The following POLR3F variants were observed in gnomAD, a reference collection of about 807,000 sequenced individuals.
POLR3F encodes DNA-directed RNA polymerase III subunit RPC6.
In POLR3F, 31 loss-of-function variants were observed where a neutral mutation model predicts 43.6. The observed-to-expected ratio is 0.71, with a 90% CI of 0.53 to 0.96. The LOEUF is 0.96. Ranked by LOEUF, POLR3F falls within the 40% of genes least tolerant of loss-of-function variation. The pLI is 0.00. For missense variants in POLR3F, 316 were observed against 391.7 expected, an observed-to-expected ratio of 0.81 and a Z score of 1.63; for synonymous variants, 114 against 132.5, an observed-to-expected ratio of 0.86 and a Z score of 0.96.
Position 18,483,499 on chromosome 20 carries a change from G to T in POLR3F, c.892G>T (p.Glu298Ter). 6.5e-7 allele frequency: 1 copy of T among 1,526,764 alleles called. No individual in the cohort carries two copies. The highest frequency in any genetic ancestry group is 8.9e-7 in the Non-Finnish European group (1 of 1,119,250). 94.6% of individuals were successfully genotyped at this position (1,526,764 alleles called of 1,614,324 possible). A position where few individuals can be genotyped will look rare whatever the true frequency, so the allele number is the denominator to read the frequency against. The part of the protein sequence containing the change: ...GLCPVFDDCH[E>*]GGEISPSNCI... ...TTTAAAGGTTTTTGATGACTGCCAC[G>T]AAGGTGGTGAGATTTCACCATCTAA... Residue 298 changes from glutamate to a stop codon, truncating the protein, a stop_gained, in exon 9 of 9, where the codon GAA becomes TAA. Coordinates refer to ENST00000377603, the MANE Select transcript of POLR3F (RefSeq NM_006466.4). LOFTEE classifies it high-confidence loss of function.
At chr20:18,479,500 GA>G (rs1010509703) in intron 5 of POLR3F, among the ~76,000 whole-genome samples, 20 of 145,550 alleles carry the variant, frequency 1.4e-4, no homozygotes, top group South Asian at 6.5e-4. Context: ...GTCTCCAAAA[GA>G]AAAAAAAAAG....
chr20:18,470,956 G>T (rs1381464684), intron 2 of POLR3F, among the ~76,000 whole-genome samples: 1 of 152,142 alleles, frequency 6.6e-6, no homozygotes, highest in Non-Finnish European at 1.5e-5. Flanking sequence ...GACAGCTGCA[G>T]TAGCATCTTA....
In POLR3F at chr20:18,483,597, G is replaced by A. The variant is rs377200298; in HGVS notation, c.*39G>A. On this transcript the variant is annotated 3_prime_UTR_variant, in exon 9 of 9. Coordinates refer to ENST00000377603, the MANE Select transcript of POLR3F (RefSeq NM_006466.4). Reference sequence around the variant, plus strand: ...ACTTTATTGACATTTTGCAAATGAAGTTACTTAGGGAGCAGATAATTTAAT... The same window carrying A: ...ACTTTATTGACATTTTGCAAATGAAATTACTTAGGGAGCAGATAATTTAAT... 2.8e-5 allele frequency: 24 copies of A among 852,520 alleles called. No individual in the cohort carries two copies. The highest frequency in any genetic ancestry group is 1.3e-4 in the Admixed American group (5 of 38,626). The allele number at this position is 852,520 out of a possible 1,614,324, so 52.8% of individuals were successfully genotyped here. A position where few individuals can be genotyped will look rare whatever the true frequency, so the allele number is the denominator to read the frequency against.
In POLR3F at chr20:18,484,345, ATGTT is replaced by A. The variant is rs2059826732; in HGVS notation, c.*791_*794del. The A allele has an allele frequency of 2.6e-5, 10 of 389,628 alleles. No homozygotes were observed. In the East Asian group the frequency reaches 3.6e-4, roughly 14 times the overall value. The allele number at this position is 389,628 out of a possible 1,614,324, so 24.1% of individuals were successfully genotyped here. ...TTATTTAATGTCTGCAGTAGACTGAATGTTTGTGTGCCCCCAGAATTCTAATGTT... is the reference window on the plus strand; with the variant it reads ...TTATTTAATGTCTGCAGTAGACTGAATGTGTGCCCCCAGAATTCTAATGTT... On this transcript the variant is annotated 3_prime_UTR_variant, in exon 9 of 9. Transcript: ENST00000377603.
At chr20:18,480,569 C>A in intron 7 of POLR3F, 60 bp downstream of exon 7, 1 of 954,808 alleles carries the variant, frequency 1.0e-6, no homozygotes, top group Non-Finnish European at 1.6e-6. Context: ...ACAATGTATT[C>A]CAAACATGTA....
intron 2 of POLR3F, among the ~76,000 whole-genome samples, chr20:18,471,431 T>C (rs757913939): frequency 6.6e-6 from 1 of 152,186 alleles, no homozygotes; most frequent in Non-Finnish European, 1.5e-5. Flanking sequence ...CTTACCTCTA[T>C]CTTAATGCCA....
At position 18,481,651 on chromosome 20, in the gene POLR3F, C is replaced by T; in HGVS notation, c.714C>T (p.Ile238=). ...TATCCATGGAAGACATTGAAACCAT[C>T]CTGAATACACTCATTTATGATGGAA... The part of the protein sequence containing the change: ...VELSMEDIET[I]LNTLIYDGKV... Residue 238 remains isoleucine (I), a synonymous_variant, in exon 8 of 9, where the codon ATC becomes ATT. Coordinates refer to ENST00000377603, the MANE Select transcript of POLR3F (RefSeq NM_006466.4). 2 of 1,612,524 alleles carry T rather than the reference C, an allele frequency of 1.2e-6. No homozygotes were observed. Among genetic ancestry groups the T allele is most frequent in the Non-Finnish European group, 1.7e-6 (2 of 1,178,538 alleles).
chr20:18,470,549 A>T (rs898657180), intron 2 of POLR3F: 2 of 154,864 alleles, frequency 1.3e-5, no homozygotes, highest in African/African-American at 4.8e-5. Context: ...GCCCAAGGAC[A>T]AAGGAATGTT....
At chr20:18,471,246 T>C (rs2059748513) in intron 2 of POLR3F, among the ~76,000 whole-genome samples, 1 of 152,224 alleles carries the variant, frequency 6.6e-6, no homozygotes, top group Admixed American at 6.5e-5. Context: ...TCATGCTGTT[T>C]CGTGCCACAG....
At position 18,478,311 on chromosome 20, in the gene POLR3F, G is replaced by T. The variant is rs539414589; in HGVS notation, c.430-1727G>T. Among the ~76,000 whole-genome samples, 7 of 152,056 alleles carry T rather than the reference G, an allele frequency of 4.6e-5. No individual in the cohort carries two copies. In the East Asian group the frequency reaches 7.7e-4, roughly 17 times the overall value. On this transcript the variant is annotated intron_variant, in intron 5 of 8. Coordinates refer to ENST00000377603, the MANE Select transcript of POLR3F (RefSeq NM_006466.4). Reference sequence around the variant, plus strand: ...GCTCACTGCAGCATCAACCTCCTGGGCTCAAGCCATCCTCCCACCACAGCC... The same window carrying T: ...GCTCACTGCAGCATCAACCTCCTGGTCTCAAGCCATCCTCCCACCACAGCC...
At position 18,468,932 on chromosome 20, in the gene POLR3F, C is replaced by T. The variant is rs112696932; in HGVS notation, c.63-12C>T. 4 of 1,228,546 alleles carry T rather than the reference C, an allele frequency of 3.3e-6. No individual in the cohort carries two copies. The highest frequency in any genetic ancestry group is 1.9e-4 in the Middle Eastern group (1 of 5,298). 76.1% of individuals were successfully genotyped at this position (1,228,546 alleles called of 1,614,324 possible). The stretch of plus-strand genomic sequence containing the variant: ...TAACCATGAAGGATAACATTAATAC[C>T]TTTGTTTCTAGGATTATAGAATTAT... On this transcript the variant is annotated splice_polypyrimidine_tract_variant and intron_variant, in intron 1 of 8. Transcript: ENST00000377603.
chr20:18,473,902 A>C (rs1001746817), intron 4 of POLR3F, among the ~76,000 whole-genome samples: 1 of 152,094 alleles, frequency 6.6e-6, no homozygotes, highest in Non-Finnish European at 1.5e-5. Flanking sequence ...GCAGTGTCTT[A>C]ACAGATGTCC....
intron 8 of POLR3F, 144 bp from the exon 9 acceptor site, chr20:18,483,337 C>T (rs2059820425): frequency 1.4e-5 from 6 of 442,434 alleles, no homozygotes; most frequent in Admixed American, 4.3e-5. Flanking sequence ...TGAGCCACTG[C>T]GTCCGGCTAT....
At chr20:18,472,207 CT>C (rs551269456) in intron 2 of POLR3F, among the ~76,000 whole-genome samples, 13 of 151,968 alleles carry the variant, frequency 8.6e-5, no homozygotes, top group Non-Finnish European at 1.6e-4. Context: ...TCACTGTTAA[CT>C]TTTTTTGTTT....
intron 1 of POLR3F, 116 bp downstream of exon 1, chr20:18,467,684 G>T: frequency 6.5e-7 from 1 of 1,547,270 alleles, no homozygotes; most frequent in Non-Finnish European, 8.7e-7. Flanking sequence ...GAGCACGCGG[G>T]AAAAACGATT....
chr20:18,483,083 C>A (rs2059818957), intron 8 of POLR3F, among the ~76,000 whole-genome samples: 1 of 152,082 alleles, frequency 6.6e-6, no homozygotes, highest in African/African-American at 2.4e-5. Flanking sequence ...CCCTCGCCCC[C>A]CGAGATGGAG....
chr20:18,478,597 A>C (rs1243133974), intron 5 of POLR3F, among the ~76,000 whole-genome samples: 1 of 152,220 alleles, frequency 6.6e-6, no homozygotes, highest in African/African-American at 2.4e-5. Context: ...GGAAAGTTAG[A>C]ATGATCCATG....
At position 18,475,119 on chromosome 20, in the gene POLR3F, A is replaced by G; in HGVS notation, c.361A>G (p.Thr121Ala). The change falls in exon 5 of 9, where the codon ACA becomes GCA. Residue 121 changes from threonine (T) to alanine (A), a missense_variant. By Grantham distance (58) the Thr-to-Ala change is moderately conservative (BLOSUM62 0). Around this residue, in one of 3 missense-constraint regions of POLR3F, gnomAD observed 109 missense variants for 177.7 expected, o/e 0.61. Transcript: ENST00000377603. ...DIRYKSNLPL[T>A]EINKILKNLE... ...CCGCTATAAAAGTAATTTGCCATTA[A>G]CAGAAATCAACAAAATTCTGAAGAA... 1 of 1,547,910 alleles carries G rather than the reference A, an allele frequency of 6.5e-7. No individual in the cohort carries two copies. The highest frequency in any genetic ancestry group is 8.9e-7 in the Non-Finnish European group (1 of 1,120,364).
chr20:18,477,768 AG>A (rs1199778308), intron 5 of POLR3F, among the ~76,000 whole-genome samples: 1 of 152,252 alleles, frequency 6.6e-6, no homozygotes, highest in African/African-American at 2.4e-5. Context: ...GGGTGAGGGC[AG>A]GGATGGTAGG....
Sources: gnomAD v4.1 joint callset for allele counts (sites outside exome capture counted in the v4.1 genomes callset) on GRCh38, gnomAD v4.1.1 for gene constraint, gnomAD v4.1.1 regional missense constraint, MANE v1.5 for transcripts, NCBI Gene and HGNC (gene_info 2026-07-23, HGNC 2026-07-21) for gene names.